OSBPL10: variants seen among roughly 807,000 people sequenced by gnomAD.
OSBPL10 encodes the protein oxysterol binding protein like 10, also known as oxysterol-binding protein-related protein 10.
OSBPL10 carries 49 observed loss-of-function variants against 81.7 expected under a neutral mutation model. The observed-to-expected ratio is 0.60, with a 90% CI of 0.48 to 0.76. The LOEUF (loss-of-function observed/expected upper bound fraction) is 0.76, where lower values mean the gene tolerates loss of function less well. Among genes scored for constraint, OSBPL10 ranks in the 30% least tolerant of loss-of-function variants. OSBPL10 has a pLI of 0.00. For missense variants in OSBPL10, 923 were observed against 987.8 expected, an observed-to-expected ratio of 0.93 and a Z score of 0.88; for synonymous variants, 419 against 383.6, an observed-to-expected ratio of 1.09 and a Z score of -1.08.
Position 31,764,926 on chromosome 3 carries a change from G to T in OSBPL10, c.730-16806C>A, listed in dbSNP as rs540834774. Among the ~76,000 whole-genome samples the T allele has an allele frequency of 3.9e-5, 6 of 152,238 alleles. No individual in the cohort carries two copies. The East Asian group carries it at 9.7e-4, about 25-fold the overall frequency. ...CTTCTTCGACCCCGGCTTACAGGTT[G>T]TTTTCACCAGATAGCCTTCCATCAT... On this transcript the variant is annotated intron_variant, in intron 4 of 11. Transcript: ENST00000396556.
At chr3:31,841,314 C>T (rs1331529549) in intron 3 of OSBPL10, among the ~76,000 whole-genome samples, 1 of 152,200 alleles carries the variant, frequency 6.6e-6, no homozygotes, top group Non-Finnish European at 1.5e-5. Flanking sequence ...GATTCATTTA[C>T]TTATTTTTAT....
chr3:31,904,109 GCCT>G (rs1696335003), intron 1 of OSBPL10, among the ~76,000 whole-genome samples: 1 of 152,172 alleles, frequency 6.6e-6, no homozygotes, highest in South Asian at 2.1e-4. Flanking sequence ...CCCACATTCT[GCCT>G]CTTCCGGCCA....
chr3:31,826,227 C>T (rs1700097872), intron 4 of OSBPL10, among the ~76,000 whole-genome samples: 1 of 152,198 alleles, frequency 6.6e-6, no homozygotes, highest in African/African-American at 2.4e-5. Flanking sequence ...AAAAGACAAT[C>T]TGCAGCACAG....
intron 1 of OSBPL10, among the ~76,000 whole-genome samples, chr3:31,969,889 G>C (rs1034505510): frequency 7.9e-5 from 12 of 151,208 alleles, no homozygotes; most frequent in Non-Finnish European, 1.6e-4. Flanking sequence ...AAAACACGAG[G>C]CCTCTTCTTT....
chr3:31,683,686 C>T lies in OSBPL10; in HGVS notation c.1674G>A (p.Trp558Ter). 5.6e-6 allele frequency: 9 copies of T among 1,614,164 alleles called. No individual in the cohort carries two copies. The highest frequency in any genetic ancestry group is 6.8e-6 in the Non-Finnish European group (8 of 1,180,032). Residue 558 changes from tryptophan to a stop codon, truncating the protein, a stop_gained, in exon 8 of 12, where the codon TGG becomes TGA. Coordinates refer to ENST00000396556, the MANE Select transcript of OSBPL10 (RefSeq NM_017784.5). LOFTEE classifies it high-confidence loss of function. Reference sequence around the variant, plus strand: ...ACATGCCCATGAACTTGCTTTTGGTCCATACATGAGTGTTGACGCACAGTC... The same window carrying T: ...ACATGCCCATGAACTTGCTTTTGGTTCATACATGAGTGTTGACGCACAGTC... ...EKRLCVNTHV[W>*]TKSKFMGMSV...
Position 32,007,809 on chromosome 3 carries a change from C to T in OSBPL10, n.298+38682G>A, listed in dbSNP as rs1575084422. Among the ~76,000 whole-genome samples, 3 of 152,148 alleles carry T rather than the reference C, an allele frequency of 2.0e-5. No homozygotes were observed. The South Asian group carries it at 6.2e-4, about 32-fold the overall frequency. ...GCAACCTCCATCTCCCGAGTTCAAG[C>T]GATTCTCCTGCCTCAGCCTCCCGAG... On this transcript the variant is annotated intron_variant and non_coding_transcript_variant, in intron 2 of 3. Coordinates refer to the OSBPL10 transcript ENST00000479173.
chr3:31,725,423 A>G (rs79561545), intron 6 of OSBPL10, among the ~76,000 whole-genome samples: 14,859 of 152,214 alleles, frequency 0.098, 1,792 homozygotes, highest in African/African-American at 0.29. Flanking sequence ...GAAGAGAAAA[A>G]GAAAAAACCC....
At chr3:31,867,697 C>G (rs2125610946) in intron 3 of OSBPL10, among the ~76,000 whole-genome samples, 1 of 141,228 alleles carries the variant, frequency 7.1e-6, no homozygotes, top group East Asian at 2.3e-4. Flanking sequence ...GAGCCAAGAT[C>G]AGGGCACTGC....
intron 4 of OSBPL10, among the ~76,000 whole-genome samples, chr3:31,786,238 C>T (rs984130290): frequency 1.1e-4 from 17 of 152,130 alleles, no homozygotes; most frequent in African/African-American, 4.1e-4. Context: ...ACTTTGCCCC[C>T]AGGTTGACTT....
At chr3:31,766,357 T>TTA (rs1698199911) in intron 4 of OSBPL10, among the ~76,000 whole-genome samples, 1 of 128,998 alleles carries the variant, frequency 7.8e-6, no homozygotes, top group African/African-American at 2.7e-5. Flanking sequence ...GTTTTTTTTT[T>TTA]GAGACACGGT....
chr3:32,048,733 G>T (rs1699646408), intron 1 of OSBPL10, among the ~76,000 whole-genome samples: 1 of 152,156 alleles, frequency 6.6e-6, no homozygotes, highest in Non-Finnish European at 1.5e-5. Flanking sequence ...TTGAATAGGG[G>T]CTGGGTAAAA....
chr3:31,822,757 A>T (rs970329095), intron 4 of OSBPL10, among the ~76,000 whole-genome samples: 7 of 150,664 alleles, frequency 4.6e-5, no homozygotes, highest in South Asian at 2.1e-4. Flanking sequence ...AAAAAACTTT[A>T]AAAAAAATTA....
chr3:31,971,132 C>CT (rs1698552430), intron 1 of OSBPL10, among the ~76,000 whole-genome samples: 2 of 121,612 alleles, frequency 1.6e-5, no homozygotes, highest in Non-Finnish European at 1.6e-5. Context: ...GTTTTTTTTT[C>CT]TTTTTTCTTT....
chr3:31,844,922 T>A (rs1162084041), intron 3 of OSBPL10, among the ~76,000 whole-genome samples: 1 of 151,972 alleles, frequency 6.6e-6, no homozygotes, highest in African/African-American at 2.4e-5. Flanking sequence ...AAACAATGTT[T>A]TTTAAAAAAA....
intron 1 of OSBPL10, among the ~76,000 whole-genome samples, chr3:32,051,247 T>C (rs1222636985): frequency 1.3e-5 from 2 of 152,244 alleles, no homozygotes; most frequent in African/African-American, 4.8e-5. Flanking sequence ...GGGAAAAATC[T>C]GTTTTCCTCA....
Position 31,662,012 on chromosome 3 carries a change from A to G in OSBPL10, c.*60T>C. 7 of 1,597,288 alleles carry G rather than the reference A, an allele frequency of 4.4e-6. No homozygotes were observed. The highest frequency in any genetic ancestry group is 2.2e-5 in the East Asian group (1 of 44,488). ...AATGCCAACAAAACCCTGATACTCT[A>G]CTACTTTAATATTCCTACAAAAACA... is the stretch of plus-strand genomic sequence containing the variant. On this transcript the variant is annotated 3_prime_UTR_variant, in exon 12 of 12. Transcript: ENST00000396556.
chr3:31,947,538 C>T (rs1697738402), intron 1 of OSBPL10, among the ~76,000 whole-genome samples: 1 of 152,216 alleles, frequency 6.6e-6, no homozygotes, highest in Admixed American at 6.5e-5. Context: ...TTGGCCTCTG[C>T]ATATGCCACC....
Position 31,748,047 on chromosome 3 carries a change from AG to A in OSBPL10, c.802del (p.Leu268SerfsTer11), listed in dbSNP as rs758432000. The A allele has an allele frequency of 1.2e-6, 2 of 1,614,034 alleles. No homozygotes were observed. The highest frequency in any genetic ancestry group is 1.7e-6 in the Non-Finnish European group (2 of 1,180,030). On this transcript the variant is annotated frameshift_variant, in exon 5 of 12. Transcript: ENST00000396556. LOFTEE classifies it high-confidence loss of function. Reference protein sequence around the residue: ...AIESLPGSGPLTALDQDLLLL... With the variant: ...AIESLPGSGPXTALDQDLLLL... Reference sequence around the variant, plus strand: ...CAGCAGGTCCTGGTCCAAGGCAGTGAGGGGGCCGGACCCTGGCAGGGACTCA... The same window carrying A: ...CAGCAGGTCCTGGTCCAAGGCAGTGAGGGGCCGGACCCTGGCAGGGACTCA...
intron 4 of OSBPL10, among the ~76,000 whole-genome samples, chr3:31,752,693 C>G (rs965007550): frequency 3.3e-5 from 5 of 152,166 alleles, no homozygotes; most frequent in Non-Finnish European, 5.9e-5. Flanking sequence ...AAGTTTAAAT[C>G]TGGGTAAAGC....
Sources: allele counts gnomAD v4.1 joint callset (sites outside exome capture counted in the v4.1 genomes callset), GRCh38; gene constraint gnomAD v4.1.1; transcripts MANE v1.5; gene names NCBI Gene and HGNC (gene_info 2026-07-23, HGNC 2026-07-21).